The following ATP6V1H variants were observed in gnomAD, a reference collection of about 807,000 sequenced individuals.
ATP6V1H encodes V-type proton ATPase subunit H.
ATP6V1H carries 39 observed loss-of-function variants against 71.7 expected under a neutral mutation model. The ratio of observed to expected loss-of-function variants is 0.54; its 90% CI spans 0.42 to 0.71. The LOEUF (loss-of-function observed/expected upper bound fraction) is 0.71. ATP6V1H is among the 30% of genes least tolerant of loss of function. The pLI, the probability that ATP6V1H is intolerant of heterozygous loss-of-function variation, is 0.00. For missense variants in ATP6V1H, 509 were observed against 594.9 expected, an observed-to-expected ratio of 0.86 and a Z score of 1.50; for synonymous variants, 192 against 199.3, an observed-to-expected ratio of 0.96 and a Z score of 0.31.
rs1262090879 is a variant in ATP6V1H, at chr8:53,715,946, G to C, written c.*18C>G. ...TACTGGTTCTGCATTGAGGCGGAGG[G>C]GAAGGCCAGAGGCAGGCTTAGCTTC... On this transcript the variant is annotated 3_prime_UTR_variant, in exon 14 of 14. Transcript: ENST00000359530. The C allele has an allele frequency of 6.2e-7, 1 of 1,606,720 alleles. No individual in the cohort carries two copies. Among genetic ancestry groups the C allele is most frequent in the Non-Finnish European group, 8.5e-7 (1 of 1,176,832 alleles).
intron 12 of ATP6V1H, among the ~76,000 whole-genome samples, chr8:53,751,814 C>A (rs181249310): frequency 2.7e-4 from 41 of 152,126 alleles, no homozygotes; most frequent in South Asian, 1.0e-3. Flanking sequence ...GGACTACAGG[C>A]TCATGCCACC....
Position 53,772,148 on chromosome 8 carries a change from G to A in ATP6V1H, c.890C>T (p.Thr297Ile), listed in dbSNP as rs763637344. 6.2e-6 allele frequency: 10 copies of A among 1,611,778 alleles called. No homozygotes were observed. The highest frequency in any genetic ancestry group is 8.5e-6 in the Non-Finnish European group (10 of 1,179,424). The change falls in exon 10 of 14, where the codon ACT (threonine) becomes ATT (isoleucine). Residue 297 changes from threonine (T) to isoleucine (I), a missense_variant. Physicochemically the swap from Thr to Ile is moderately conservative, Grantham distance 89. Around this residue, in one of 2 missense-constraint regions of ATP6V1H, gnomAD observed 212 missense variants for 291.6 expected, o/e 0.73. Coordinates refer to ENST00000359530, the MANE Select transcript of ATP6V1H (RefSeq NM_015941.4). ...AAFRNFLEKS[T>I]ERETRQEYAL... ...ATATTCTTGGCGAGTTTCTCTTTCA[G>A]TTGATTTTTCTAAAAAGTTCTGGGT... is the stretch of plus-strand genomic sequence containing the variant.
intron 13 of ATP6V1H, among the ~76,000 whole-genome samples, chr8:53,726,235 C>T (rs562624642): frequency 6.6e-6 from 1 of 152,232 alleles, no homozygotes; most frequent in South Asian, 2.1e-4. Flanking sequence ...TATACCCATA[C>T]TTTATATTTG....
chr8:53,783,045 T>C (rs1809223949), intron 9 of ATP6V1H, among the ~76,000 whole-genome samples: 1 of 152,202 alleles, frequency 6.6e-6, no homozygotes, highest in African/African-American at 2.4e-5. Context: ...ATCAGGATGA[T>C]GCTGGCCTCA....
intron 9 of ATP6V1H, among the ~76,000 whole-genome samples, chr8:53,775,104 T>C (rs990227453): frequency 2.6e-5 from 4 of 152,288 alleles, no homozygotes; most frequent in African/African-American, 9.6e-5. Context: ...AGTTTCTTCC[T>C]TCTGGTGGGT....
rs569452712 is a variant in ATP6V1H at position 53,734,574 on chromosome 8, C to T, written c.1391+9003G>A. ...CCCTCCAAGTACATGGGGCATTATA[C>T]AAGGAAAAAGGCTTGTTAAACTCCA... On this transcript the variant is annotated intron_variant, in intron 13 of 13. Transcript: ENST00000359530. Among the ~76,000 whole-genome samples the T allele has an allele frequency of 2.6e-5, 4 of 152,238 alleles. No individual in the cohort carries two copies. In the East Asian group the frequency reaches 7.7e-4, roughly 29 times the overall value.
At chr8:53,785,706 A>G (rs1385687613) in intron 9 of ATP6V1H, among the ~76,000 whole-genome samples, 1 of 152,078 alleles carries the variant, frequency 6.6e-6, no homozygotes, top group Admixed American at 6.5e-5. Flanking sequence ...TGACATACAG[A>G]TGGGTTTTTG....
chr8:53,778,904 G>A (rs1763328598), intron 9 of ATP6V1H, among the ~76,000 whole-genome samples: 1 of 152,186 alleles, frequency 6.6e-6, no homozygotes. Context: ...GCGTAAGAAT[G>A]CTGGAGTGAT....
chr8:53,759,575 T>C (rs1212692013), intron 11 of ATP6V1H, among the ~76,000 whole-genome samples: 1 of 152,238 alleles, frequency 6.6e-6, no homozygotes. Flanking sequence ...TGCCTCGACA[T>C]TAGCTAGAAA....
chr8:53,813,883 G>A (rs866316287), intron 6 of ATP6V1H, among the ~76,000 whole-genome samples: 3 of 152,152 alleles, frequency 2.0e-5, no homozygotes, highest in Non-Finnish European at 4.4e-5. Context: ...TTGTGAGAAC[G>A]AGCCACCGTG....
At chr8:53,775,921 T>A (rs1808863087) in intron 9 of ATP6V1H, among the ~76,000 whole-genome samples, 1 of 152,208 alleles carries the variant, frequency 6.6e-6, no homozygotes, top group Admixed American at 6.5e-5. Context: ...CCTTGGGCGG[T>A]CGATGGGACT....
At position 53,795,733 on chromosome 8, in the gene ATP6V1H, G is replaced by T. The variant is rs201536132; in HGVS notation, c.784C>A (p.Arg262Ser). The change falls in exon 9 of 14, where the codon CGC becomes AGC. Residue 262 changes from arginine (R) to serine (S), a missense_variant. Around this residue, in one of 2 missense-constraint regions of ATP6V1H, gnomAD observed 212 missense variants for 291.6 expected, o/e 0.73. Transcript: ENST00000359530. ...FSPQMCEHLR[R>S]YNIIPVLSDI... ...GACAGAACTGGAATGATATTATAGC[G>T]CCGCAGGTGTTCACACATTTGAGGA... 1 of 1,613,806 alleles carries T rather than the reference G, an allele frequency of 6.2e-7. No individual in the cohort carries two copies. The highest frequency in any genetic ancestry group is 1.1e-5 in the South Asian group (1 of 91,062).
intron 13 of ATP6V1H, among the ~76,000 whole-genome samples, chr8:53,729,524 G>T (rs1186189132): frequency 6.6e-6 from 1 of 152,130 alleles, no homozygotes; most frequent in Non-Finnish European, 1.5e-5. Context: ...AGGACCCCAG[G>T]AAGTAGCCCA....
At chr8:53,798,077 G>A (rs534059543) in intron 8 of ATP6V1H, among the ~76,000 whole-genome samples, 1 of 152,132 alleles carries the variant, frequency 6.6e-6, no homozygotes, top group African/African-American at 2.4e-5. Context: ...ACTTTCTTGT[G>A]AGGCTAACAA....
intron 11 of ATP6V1H, among the ~76,000 whole-genome samples, chr8:53,769,117 C>T (rs1306940377): frequency 6.6e-6 from 1 of 152,066 alleles, no homozygotes; most frequent in Non-Finnish European, 1.5e-5. Flanking sequence ...TCCAGATGGA[C>T]TGGGTATCTA....
At position 53,795,630 on chromosome 8, in the gene ATP6V1H, C is replaced by G. The variant is rs1303759606; in HGVS notation, c.870+17G>C. ...AAAAATGCCTCACATACACACAAAC[C>G]AACATAAAACACTTACACGAAATGC... On this transcript the variant is annotated intron_variant, in intron 9 of 13. Coordinates refer to ENST00000359530, the MANE Select transcript of ATP6V1H (RefSeq NM_015941.4). The G allele has an allele frequency of 1.2e-6, 2 of 1,608,912 alleles. No homozygotes were observed. The highest frequency in any genetic ancestry group is 2.2e-5 in the East Asian group (1 of 44,808).
chr8:53,749,420 T>C (rs1424868046), intron 12 of ATP6V1H, among the ~76,000 whole-genome samples: 2 of 152,130 alleles, frequency 1.3e-5, no homozygotes, highest in African/African-American at 4.8e-5. Flanking sequence ...AATCAAGTAG[T>C]TCAGTGAGGG....
chr8:53,788,244 C>A (rs1809445337), intron 9 of ATP6V1H, among the ~76,000 whole-genome samples: 1 of 152,068 alleles, frequency 6.6e-6, no homozygotes, highest in East Asian at 1.9e-4. Flanking sequence ...CTAAAAAAAA[C>A]TAATATTTCT....
intron 11 of ATP6V1H, among the ~76,000 whole-genome samples, chr8:53,762,427 T>C (rs1042337341): frequency 1.6e-4 from 25 of 152,148 alleles, no homozygotes; most frequent in Non-Finnish European, 7.4e-5. Flanking sequence ...GAATAAACTA[T>C]GGCTTCAATC....
Sources: gnomAD v4.1 joint callset for allele counts (sites outside exome capture counted in the v4.1 genomes callset) on GRCh38, gnomAD v4.1.1 for gene constraint, gnomAD v4.1.1 regional missense constraint, MANE v1.5 for transcripts, NCBI Gene and HGNC (gene_info 2026-07-23, HGNC 2026-07-21) for gene names.